CIT: variants seen among roughly 807,000 people sequenced by gnomAD.
The protein encoded by CIT is citron Rho-interacting kinase.
CIT carries 79 observed loss-of-function variants against 272.7 expected under a neutral mutation model. That is an observed-to-expected ratio of 0.29 (90% CI 0.24 to 0.35). The LOEUF (loss-of-function observed/expected upper bound fraction) is 0.35, where lower values mean the gene tolerates loss of function less well. CIT is among the 10% of genes least tolerant of loss of function. The probability of loss-of-function intolerance (pLI) is 1.00; values close to 1 mark genes in which losing one functional copy is unlikely to be tolerated. For missense variants in CIT, 1,909 were observed against 2,618.3 expected (o/e 0.73, Z 5.91); for synonymous variants, 948 against 995.6 (o/e 0.95, Z 0.90).
intron 37 of CIT, chr12:119,711,228 C>A: frequency 1.7e-6 from 1 of 580,174 alleles, no homozygotes; most frequent in East Asian, 5.7e-5. Flanking sequence ...CAATTGCTAA[C>A]ACATAAAGTG....
chr12:119,803,572 C>T (rs963902490), intron 9 of CIT, 183 bp from the exon 10 acceptor site: 2 of 451,816 alleles, frequency 4.4e-6, no homozygotes, highest in Non-Finnish European at 3.9e-6. Flanking sequence ...TCTCTGCCAA[C>T]ATGGCCACCA....
intron 2 of CIT, among the ~76,000 whole-genome samples, chr12:119,870,896 G>A (rs575557036): frequency 7.2e-5 from 11 of 152,050 alleles, no homozygotes; most frequent in East Asian, 1.9e-4. Flanking sequence ...CGAGGCAGGC[G>A]GATCGCGAGG....
Position 119,728,184 on chromosome 12 carries a change from G to A in CIT, c.3591+318C>T, listed in dbSNP as rs1958228138. Among the ~76,000 whole-genome samples, 1 of 152,152 alleles carries A rather than the reference G, an allele frequency of 6.6e-6. No individual in the cohort carries two copies. ...CAGTGAAACTATCCTGTATGATACA[G>A]TAAAGGTGGATAACTGTCATTACAC... On this transcript the variant is annotated intron_variant, in intron 28 of 47. Transcript: ENST00000392521. This position sits in a 1 kb window ranked among gnomAD's most constrained non-coding sequence, Gnocchi z 4.3.
chr12:119,767,188 C>G lies in CIT; in HGVS notation c.2209-6G>C, dbSNP rs1174136734. On this transcript the variant is annotated splice_region_variant and splice_polypyrimidine_tract_variant and intron_variant, in intron 18 of 47. Transcript: ENST00000392521. ...CGATGTTTCTCTTCGAGCTCCTAGACACAAAAGAAAAGACAGTCAGGTGTG... is the reference window on the plus strand; with the variant it reads ...CGATGTTTCTCTTCGAGCTCCTAGAGACAAAAGAAAAGACAGTCAGGTGTG... 1 of 1,603,978 alleles carries G rather than the reference C, an allele frequency of 6.2e-7. No homozygotes were observed. Among genetic ancestry groups the G allele is most frequent in the Non-Finnish European group, 8.5e-7 (1 of 1,174,782 alleles).
At chr12:119,704,299 C>T in intron 41 of CIT, 64 bp downstream of exon 41, 22 of 1,489,300 alleles carry the variant, frequency 1.5e-5, no homozygotes, top group Non-Finnish European at 2.0e-5. Context: ...ACTTTCCACA[C>T]TGGCTCGCTG....
In CIT at chr12:119,713,840, C is replaced by T. The variant is rs1002160952; in HGVS notation, c.4307-192G>A. On this transcript the variant is annotated intron_variant, in intron 33 of 47. Coordinates refer to ENST00000392521, the MANE Select transcript of CIT (RefSeq NM_001206999.2). This position sits in a 1 kb window ranked among gnomAD's most constrained non-coding sequence, Gnocchi z 5.2. ...AAAGGGAAAACAAAAGTGCCAAGTG[C>T]TCTTGACCCAGTTTTCCAGGCTTCA... The T allele has an allele frequency of 4.7e-6, 3 of 639,968 alleles. No individual in the cohort carries two copies. The highest frequency in any genetic ancestry group is 8.1e-6 in the Non-Finnish European group (3 of 370,066). 39.6% of individuals were successfully genotyped at this position (639,968 alleles called of 1,614,324 possible). A position where few individuals can be genotyped will look rare whatever the true frequency, so the allele number is the denominator to read the frequency against.
At position 119,687,521 on chromosome 12, in the gene CIT, A is replaced by T. The variant is rs1955647615; in HGVS notation, c.*711T>A. On this transcript the variant is annotated 3_prime_UTR_variant, in exon 48 of 48. Coordinates refer to ENST00000392521, the MANE Select transcript of CIT (RefSeq NM_001206999.2). Reference sequence around the variant, plus strand: ...GCTGAGGCCCCGATGACCTCCATACATTCTCAGCTGGTGGGAGGGGAAGTC... The same window carrying T: ...GCTGAGGCCCCGATGACCTCCATACTTTCTCAGCTGGTGGGAGGGGAAGTC... 6.6e-6 allele frequency: 1 copy of T among 152,584 alleles called. No homozygotes were observed. Among genetic ancestry groups the T allele is most frequent in the Non-Finnish European group, 1.5e-5 (1 of 68,052 alleles). 9.5% of individuals were successfully genotyped at this position (152,584 alleles called of 1,614,324 possible).
intron 5 of CIT, 84 bp downstream of exon 5, chr12:119,850,090 G>T: frequency 1.1e-6 from 1 of 889,572 alleles, no homozygotes; most frequent in Non-Finnish European, 1.9e-6. Flanking sequence ...GACCACATGG[G>T]CAAGAACAAC....
intron 10 of CIT, among the ~76,000 whole-genome samples, chr12:119,797,627 C>T (rs186629289): frequency 6.6e-6 from 1 of 152,278 alleles, no homozygotes; most frequent in East Asian, 1.9e-4. Flanking sequence ...GTTATTGCTG[C>T]TATTTAAAAA....
intron 7 of CIT, among the ~76,000 whole-genome samples, chr12:119,830,823 A>G (rs1968565181): frequency 6.6e-6 from 1 of 152,210 alleles, no homozygotes; most frequent in African/African-American, 2.4e-5. Flanking sequence ...ACCTTGCTTC[A>G]ATTTATTTCT....
chr12:119,747,892 A>G (rs1211444366), intron 23 of CIT, among the ~76,000 whole-genome samples: 1 of 152,192 alleles, frequency 6.6e-6, no homozygotes, highest in Non-Finnish European at 1.5e-5. Context: ...AGGCAGGCAT[A>G]ATGGCTCATG....
At chr12:119,875,173 C>T (rs1950806189) in intron 2 of CIT, among the ~76,000 whole-genome samples, 1 of 151,948 alleles carries the variant, frequency 6.6e-6, no homozygotes, top group Admixed American at 6.6e-5. Flanking sequence ...TATGGTGGCA[C>T]ACACCTGTGG....
Position 119,761,120 on chromosome 12 carries a change from G to C in CIT, c.2305-65C>G, listed in dbSNP as rs2285596. ...AAGCTGAGGAGGGAAGACTAAACGG[G>C]GACACTTGAGAAAATCTAGGAAAGA... On this transcript the variant is annotated intron_variant, in intron 19 of 47. Transcript: ENST00000392521. 16 of 1,137,618 alleles carry C rather than the reference G, an allele frequency of 1.4e-5. No homozygotes were observed. In the East Asian group the frequency reaches 3.3e-4, roughly 23 times the overall value. The allele number at this position is 1,137,618 out of a possible 1,614,324, so 70.5% of individuals were successfully genotyped here. A position where few individuals can be genotyped will look rare whatever the true frequency, so the allele number is the denominator to read the frequency against.
chr12:119,730,949 G>A (rs149313593), intron 26 of CIT, among the ~76,000 whole-genome samples: 113 of 152,154 alleles, frequency 7.4e-4, no homozygotes, highest in African/African-American at 2.6e-3. Flanking sequence ...CCAACGTGGT[G>A]AAATCCCATC....
intron 5 of CIT, among the ~76,000 whole-genome samples, chr12:119,841,027 A>G (rs946643160): frequency 6.6e-6 from 1 of 152,178 alleles, no homozygotes; most frequent in African/African-American, 2.4e-5. Context: ...GATAATATAA[A>G]GAACTCATCC....
At chr12:119,863,201 C>G (rs1243167387) in intron 3 of CIT, among the ~76,000 whole-genome samples, 1 of 40,516 alleles carries the variant, frequency 2.5e-5, no homozygotes. Context: ...GACTCTGTAT[C>G]AAAAAAAAAA....
chr12:119,815,037 CAAAAA>C (rs140981194), intron 9 of CIT, among the ~76,000 whole-genome samples: 1 of 58,894 alleles, frequency 1.7e-5, no homozygotes. Flanking sequence ...GACTCTGTCT[CAAAAA>C]AAAAAAAAAA....
chr12:119,733,435 G>A (rs1474649520), intron 26 of CIT, among the ~76,000 whole-genome samples: 2 of 87,224 alleles, frequency 2.3e-5, no homozygotes, highest in African/African-American at 8.2e-5. Context: ...TTGGGAGGCT[G>A]AAGAAGGAGA....
In CIT at chr12:119,728,562, G is replaced by C; in HGVS notation, c.3531C>G (p.Ala1177=). 1 of 1,613,874 alleles carries C rather than the reference G, an allele frequency of 6.2e-7. No homozygotes were observed. The highest frequency in any genetic ancestry group is 1.3e-5 in the African/African-American group (1 of 75,030). ...TCTCCAGCTTCTGCTGTAAGCTTCG[G>C]GCATTCATTTCAAGCATAGCATGCT... ...EKKHAMLEMN[A]RSLQQKLETE... Residue 1177 remains alanine (A), a synonymous_variant, in exon 28 of 48, where the codon GCC becomes GCG. Transcript: ENST00000392521. This position sits in a 1 kb window ranked among gnomAD's most constrained non-coding sequence, Gnocchi z 4.3.
Sources: allele counts gnomAD v4.1 joint callset (sites outside exome capture counted in the v4.1 genomes callset), GRCh38; gene constraint gnomAD v4.1.1; non-coding constraint Gnocchi (gnomAD v3.1); transcripts MANE v1.5; gene names NCBI Gene and HGNC (gene_info 2026-07-23, HGNC 2026-07-21).